Variants in CCSER1 observed in about 807,000 individuals in gnomAD.
The protein encoded by CCSER1 is coiled-coil serine rich protein 1, also known as serine-rich coiled-coil domain-containing protein 1.
Under a neutral mutation model 82.0 loss-of-function variants are expected in CCSER1, and 41 were observed. The ratio of observed to expected loss-of-function variants is 0.50; its 90% CI spans 0.39 to 0.65. The LOEUF (loss-of-function observed/expected upper bound fraction) is 0.65, where lower values mean the gene tolerates loss of function less well. Among genes scored for constraint, CCSER1 ranks in the 30% least tolerant of loss-of-function variants. CCSER1 has a pLI of 0.00. For synonymous variants in CCSER1, 414 were observed against 383.9 expected (o/e 1.08, Z -0.92); for missense variants, 1,119 against 1,064.2 (o/e 1.05, Z -0.72).
intron 10 of CCSER1, among the ~76,000 whole-genome samples, chr4:91,527,134 T>C (rs1406153681): frequency 1.3e-5 from 2 of 152,188 alleles, no homozygotes; most frequent in Admixed American, 1.3e-4. Context: ...CATTAACAGA[T>C]CTTTAAAGAG....
At chr4:90,147,601 A>C (rs1465456498) in intron 1 of CCSER1, among the ~76,000 whole-genome samples, 1 of 152,216 alleles carries the variant, frequency 6.6e-6, no homozygotes, top group African/African-American at 2.4e-5. Context: ...GCATTTGAAC[A>C]ATTCAGGTGT....
At chr4:91,356,721 C>G (rs1394205561) in intron 10 of CCSER1, among the ~76,000 whole-genome samples, 1 of 152,188 alleles carries the variant, frequency 6.6e-6, no homozygotes, top group Non-Finnish European at 1.5e-5. Context: ...CCTAAGATCA[C>G]TGCATCCCTT....
intron 10 of CCSER1, among the ~76,000 whole-genome samples, chr4:91,470,588 A>C (rs1757221621): frequency 6.6e-6 from 1 of 152,222 alleles, no homozygotes; most frequent in East Asian, 1.9e-4. Flanking sequence ...CATGAGCCAC[A>C]CCACCTAGCC....
intron 9 of CCSER1, among the ~76,000 whole-genome samples, chr4:91,029,914 A>G (rs188939069): frequency 1.4e-3 from 220 of 152,258 alleles, no homozygotes; most frequent in Non-Finnish European, 2.1e-3. Flanking sequence ...CAATGTACAA[A>G]ATGTACCACT....
chr4:91,163,358 G>A (rs1258891752), intron 10 of CCSER1, among the ~76,000 whole-genome samples: 3 of 151,988 alleles, frequency 2.0e-5, no homozygotes, highest in Non-Finnish European at 4.4e-5. Flanking sequence ...CACCTATGTG[G>A]TCAATTTTGG....
intron 9 of CCSER1, among the ~76,000 whole-genome samples, chr4:91,034,233 G>A (rs1741238929): frequency 6.6e-6 from 1 of 152,176 alleles, no homozygotes; most frequent in Non-Finnish European, 1.5e-5. Flanking sequence ...GATCCTAAAT[G>A]TCTTCCTAGC....
At chr4:90,388,836 A>G (rs1578225871) in intron 3 of CCSER1, among the ~76,000 whole-genome samples, 1 of 150,798 alleles carries the variant, frequency 6.6e-6, no homozygotes, top group South Asian at 2.1e-4. Context: ...GGGTTTCACC[A>G]TTTTGGTCAG....
chr4:90,879,582 AGAG>A (rs869047523), intron 8 of CCSER1, among the ~76,000 whole-genome samples: 3 of 90,868 alleles, frequency 3.3e-5, no homozygotes, highest in African/African-American at 8.7e-5. Flanking sequence ...AAGAAGAAGA[AGAG>A]GAGGAGGAGG....
chr4:90,285,019 A>G (rs1729606212), intron 1 of CCSER1, among the ~76,000 whole-genome samples: 2 of 152,102 alleles, frequency 1.3e-5, no homozygotes, highest in African/African-American at 4.8e-5. Context: ...TGCTAGTATC[A>G]TGCTGTTTTG....
At chr4:90,517,781 A>G (rs1158841753) in intron 5 of CCSER1, among the ~76,000 whole-genome samples, 1 of 152,174 alleles carries the variant, frequency 6.6e-6, no homozygotes, top group Non-Finnish European at 1.5e-5. Context: ...TGTTAGGACT[A>G]AGCTCGCACT....
At chr4:91,446,692 T>A (rs911283593) in intron 10 of CCSER1, among the ~76,000 whole-genome samples, 2 of 147,068 alleles carry the variant, frequency 1.4e-5, no homozygotes, top group African/African-American at 2.5e-5. Flanking sequence ...TATATATATA[T>A]AATAGTCCTG....
rs370316534 is a variant in CCSER1 at position 90,525,111 on chromosome 4, AT to A, written c.1724+56765del. 3.2e-3 allele frequency among the ~76,000 whole-genome samples: 489 copies of A among 151,876 alleles called. 4 individuals carry two copies. Among genetic ancestry groups the A allele is most frequent in the Non-Finnish European group, 5.4e-3 (364 of 67,910 alleles). On this transcript the variant is annotated intron_variant, in intron 5 of 10. Transcript: ENST00000509176. ...AAGCTAATACAAGATAGAATAAATC[AT>A]TTTTTTTAAAAAAAAAGCAAATCTC...
At chr4:91,110,320 C>T (rs1725991304) in intron 10 of CCSER1, among the ~76,000 whole-genome samples, 1 of 151,902 alleles carries the variant, frequency 6.6e-6, no homozygotes, top group Non-Finnish European at 1.5e-5. Context: ...TTAGTGCTTG[C>T]TCCTTATAGG....
At chr4:90,406,547 G>T (rs1345557236) in intron 4 of CCSER1, among the ~76,000 whole-genome samples, 1 of 152,070 alleles carries the variant, frequency 6.6e-6, no homozygotes, top group Non-Finnish European at 1.5e-5. Context: ...CCCAACAACT[G>T]CAGAATATAT....
In CCSER1 at chr4:90,154,936, G is replaced by T. The variant is rs933665372; in HGVS notation, c.-42+27105G>T. 3.5e-3 allele frequency among the ~76,000 whole-genome samples: 540 copies of T among 152,216 alleles called. 1 individual carries two copies. The highest frequency in any genetic ancestry group is 0.012 in the African/African-American group (516 of 41,526). On this transcript the variant is annotated intron_variant, in intron 1 of 10. Transcript: ENST00000509176. ...ACTATGTTGAATAGGAGTGGTGAGA[G>T]AGGGCATCCTTGTCTTGTGCCAGTT...
chr4:90,785,631 C>T (rs1016998305), intron 7 of CCSER1, among the ~76,000 whole-genome samples: 22 of 152,234 alleles, frequency 1.4e-4, no homozygotes, highest in African/African-American at 5.3e-4. Flanking sequence ...AAATAAGGTA[C>T]CATTTACCTT....
rs572130720 is a variant in CCSER1 at position 91,076,641 on chromosome 4, A to G, written c.2173-9309A>G. Reference sequence around the variant, plus strand: ...CTCCTTTGAAAAAATAAGCTAAAATAATATTTACCTTGACTTCTGTTTCTA... The same window carrying G: ...CTCCTTTGAAAAAATAAGCTAAAATGATATTTACCTTGACTTCTGTTTCTA... On this transcript the variant is annotated intron_variant, in intron 9 of 10. Transcript: ENST00000509176. Among the ~76,000 whole-genome samples, 5 of 152,278 alleles carry G rather than the reference A, an allele frequency of 3.3e-5. No homozygotes were observed. In the South Asian group the frequency reaches 8.3e-4, roughly 25 times the overall value.
intron 7 of CCSER1, among the ~76,000 whole-genome samples, chr4:90,745,546 G>A (rs1193649180): frequency 1.3e-5 from 2 of 152,030 alleles, no homozygotes; most frequent in Admixed American, 1.3e-4. Context: ...CTTTTGTTCT[G>A]TCCATAAATA....
intron 10 of CCSER1, among the ~76,000 whole-genome samples, chr4:91,147,883 A>G (rs1018077824): frequency 6.6e-6 from 1 of 152,258 alleles, no homozygotes; most frequent in Non-Finnish European, 1.5e-5. Flanking sequence ...TTACAGCTAC[A>G]GTAACTGCCT....
Sources: allele counts gnomAD v4.1 joint callset (sites outside exome capture counted in the v4.1 genomes callset), GRCh38; gene constraint gnomAD v4.1.1; transcripts MANE v1.5; gene names NCBI Gene and HGNC (gene_info 2026-07-23, HGNC 2026-07-21).